Variants in ACTN3 observed in about 807,000 individuals in gnomAD.
The protein encoded by ACTN3 is actinin alpha 3.
In ACTN3, 91 loss-of-function variants were observed where a neutral mutation model predicts 119.6. The observed-to-expected ratio is 0.76, with a 90% CI of 0.64 to 0.91. The LOEUF is 0.91. ACTN3 is among the 40% of genes least tolerant of loss of function. ACTN3 has a pLI of 0.00. For synonymous variants in ACTN3, 456 were observed against 478.8 expected, an observed-to-expected ratio of 0.95 and a Z score of 0.62; for missense variants, 1,221 against 1,215.1, an observed-to-expected ratio of 1.00 and a Z score of -0.07.
rs1158119969 is a variant in ACTN3, at chr11:66,559,199, G to T, written c.1277-37G>T. 10 of 1,451,928 alleles carry T rather than the reference G, an allele frequency of 6.9e-6. No homozygotes were observed. The South Asian group carries it at 1.3e-4, about 19-fold the overall frequency. 89.9% of individuals were successfully genotyped at this position (1,451,928 alleles called of 1,614,324 possible). ...CCCGCCGCGCACCCCTGCCCCTGCC[G>T]CCACTGGGTGACCGGAGCCGGCATC... On this transcript the variant is annotated intron_variant, in intron 11 of 20. Transcript: ENST00000513398.
chr11:66,554,115 G>C lies in ACTN3; in HGVS notation c.453G>C (p.Gln151His). ...IWTIILRFAI[Q>H]DISVEETSAK... is the part of the protein sequence containing the mutation. ...CCATCATCCTTCGCTTCGCCATCCA[G>C]GACATCTCTGTGGAAGGTGAGCAAT... is the stretch of plus-strand genomic sequence containing the variant. Residue 151 changes from glutamine (Q) to histidine (H), a missense_variant, in exon 4 of 21, where the codon CAG becomes CAC. Transcript: ENST00000513398. 6.2e-7 allele frequency: 1 copy of C among 1,613,874 alleles called. No individual in the cohort carries two copies. The highest frequency in any genetic ancestry group is 8.5e-7 in the Non-Finnish European group (1 of 1,179,946).
intron 3 of ACTN3, among the ~76,000 whole-genome samples, chr11:66,553,594 G>C (rs1031642700): frequency 2.6e-5 from 4 of 151,238 alleles, no homozygotes; most frequent in African/African-American, 9.7e-5. Flanking sequence ...AAAGAGGCCA[G>C]ACACGGTGGC....
chr11:66,557,320 T>A, intron 9 of ACTN3, 95 bp downstream of exon 9: 2 of 1,233,732 alleles, frequency 1.6e-6, no homozygotes, highest in Non-Finnish European at 2.3e-6. Context: ...AGCCTCCCTC[T>A]GCTCAGAGTA....
At chr11:66,556,045 C>A in intron 7 of ACTN3, 100 bp from the exon 8 acceptor site, 2 of 1,083,890 alleles carry the variant, frequency 1.8e-6, no homozygotes, top group Admixed American at 2.2e-5. Context: ...CTGCTGGTGG[C>A]CATGACTGGA....
In ACTN3 at chr11:66,554,142, G is replaced by C. The variant is rs777483967; in HGVS notation, c.469+11G>C. ...ACATCTCTGTGGAAGGTGAGCAATGGGAAAGGAGGTTGGGGCCAGGTGCAG... is the reference window on the plus strand; with the variant it reads ...ACATCTCTGTGGAAGGTGAGCAATGCGAAAGGAGGTTGGGGCCAGGTGCAG... On this transcript the variant is annotated intron_variant, in intron 4 of 20. Coordinates refer to ENST00000513398, the MANE Select transcript of ACTN3 (RefSeq NM_001104.4). 5 of 1,613,470 alleles carry C rather than the reference G, an allele frequency of 3.1e-6. No homozygotes were observed. The East Asian group carries it at 1.1e-4, about 36-fold the overall frequency.
Position 66,559,251 on chromosome 11 carries a change from T to G in ACTN3, c.1292T>G (p.Leu431Arg), listed in dbSNP as rs776671067. ...CTTTGAGCAGGAAAGGAGGAGATGC[T>G]GAGCCAGCGCGACTACGATTCGGCT... ...EAWTRGKEEMLSQRDYDSALL... is the reference protein window; with the variant it reads ...EAWTRGKEEMRSQRDYDSALL... The change falls in exon 12 of 21, where the codon CTG (leucine) becomes CGG (arginine). Residue 431 changes from leucine (L) to arginine (R), a missense_variant. Leu to Arg is a moderately radical substitution (Grantham distance 102). Transcript: ENST00000513398. 1.3e-6 allele frequency: 2 copies of G among 1,555,068 alleles called. No homozygotes were observed. Among genetic ancestry groups the G allele is most frequent in the Non-Finnish European group, 1.7e-6 (2 of 1,151,940 alleles).
In ACTN3 at chr11:66,559,242, A is replaced by C. The variant is rs772355552; in HGVS notation, c.1283A>C (p.Glu428Ala). ...SLHEAWTRGKEEMLSQRDYDS... is the reference protein window; with the variant it reads ...SLHEAWTRGKAEMLSQRDYDS... Reference sequence around the variant, plus strand: ...CCGGCATCTCTTTGAGCAGGAAAGGAGGAGATGCTGAGCCAGCGCGACTAC... The same window carrying C: ...CCGGCATCTCTTTGAGCAGGAAAGGCGGAGATGCTGAGCCAGCGCGACTAC... Residue 428 changes from glutamate to alanine, a missense_variant, in exon 12 of 21, where the codon GAG becomes GCG. By Grantham distance (107) the Glu-to-Ala change is moderately radical (BLOSUM62 -1). Coordinates refer to ENST00000513398, the MANE Select transcript of ACTN3 (RefSeq NM_001104.4). 190 of 1,544,900 alleles carry C rather than the reference A, an allele frequency of 1.2e-4. No homozygotes were observed. The highest frequency in any genetic ancestry group is 1.6e-4 in the Non-Finnish European group (184 of 1,145,818).
chr11:66,554,692 T>C, intron 5 of ACTN3, 69 bp downstream of exon 5: 1 of 1,341,382 alleles, frequency 7.5e-7, no homozygotes, highest in South Asian at 1.3e-5. Flanking sequence ...GAGCCCTCCC[T>C]GGTCAGTGAA....
intron 1 of ACTN3, among the ~76,000 whole-genome samples, chr11:66,550,081 G>T (rs78940060): frequency 6.6e-6 from 1 of 152,322 alleles, no homozygotes; most frequent in African/African-American, 2.4e-5. Context: ...CCTCCCAGGA[G>T]TATCTGCTTT....
chr11:66,559,979 ACCACGAGGCAGC>A lies in ACTN3; in HGVS notation c.1441_1452del (p.His481_Ala484del), dbSNP rs1235088600. 1 of 1,596,846 alleles carries A rather than the reference ACCACGAGGCAGC, an allele frequency of 6.3e-7. No homozygotes were observed. Among genetic ancestry groups the A allele is most frequent in the Non-Finnish European group, 8.5e-7 (1 of 1,173,632 alleles). ...CTTCTCGCTCCCAGTGAGCTGGACTACCACGAGGCAGCCTCAGTGAATAGCCGCTGCCAGGCC... is the reference window on the plus strand; with the variant it reads ...CTTCTCGCTCCCAGTGAGCTGGACTACTCAGTGAATAGCCGCTGCCAGGCC... On this transcript the variant is annotated inframe_deletion, in exon 13 of 21. Transcript: ENST00000513398.
At position 66,551,522 on chromosome 11, in the gene ACTN3, A is replaced by T; in HGVS notation, c.263-6A>T. 1 of 1,613,354 alleles carries T rather than the reference A, an allele frequency of 6.2e-7. No homozygotes were observed. The highest frequency in any genetic ancestry group is 8.5e-7 in the Non-Finnish European group (1 of 1,179,648). ...TTTGGCCCTTGGCCTCTCCTCTTAAACCCAGGTGAGAGGCTGCCTAGGCCA... is the reference window on the plus strand; with the variant it reads ...TTTGGCCCTTGGCCTCTCCTCTTAATCCCAGGTGAGAGGCTGCCTAGGCCA... On this transcript the variant is annotated splice_region_variant and splice_polypyrimidine_tract_variant and intron_variant, in intron 2 of 20. Transcript: ENST00000513398.
intron 1 of ACTN3, 182 bp downstream of exon 1, chr11:66,547,266 T>TCTC: frequency 2.5e-6 from 1 of 400,300 alleles, no homozygotes; most frequent in Non-Finnish European, 3.4e-6. Flanking sequence ...CTGGGAGCCC[T>TCTC]CAAGAGGGGT....
intron 12 of ACTN3, 61 bp from the exon 13 acceptor site, chr11:66,559,907 A>G: frequency 1.4e-6 from 2 of 1,479,572 alleles, no homozygotes; most frequent in Non-Finnish European, 1.8e-6. Flanking sequence ...CAGCCCTGGG[A>G]GTGCAGTTAG....
chr11:66,555,109 C>T (rs1590806546), intron 5 of ACTN3, 21 bp from the exon 6 acceptor site: 2 of 1,612,816 alleles, frequency 1.2e-6, no homozygotes, highest in Middle Eastern at 1.7e-4. Context: ...CAGGCCTGAC[C>T]CCCCTCTTCT....
In ACTN3 at chr11:66,554,150, G is replaced by A. The variant is rs757812656; in HGVS notation, c.469+19G>A. The A allele has an allele frequency of 6.2e-7, 1 of 1,611,842 alleles. No homozygotes were observed. Among genetic ancestry groups the A allele is most frequent in the Non-Finnish European group, 8.5e-7 (1 of 1,178,106 alleles). On this transcript the variant is annotated intron_variant, in intron 4 of 20. Coordinates refer to ENST00000513398, the MANE Select transcript of ACTN3 (RefSeq NM_001104.4). ...GTGGAAGGTGAGCAATGGGAAAGGA[G>A]GTTGGGGCCAGGTGCAGTGGCTGGG...
Position 66,563,203 on chromosome 11 carries a change from C to A in ACTN3, c.*10C>A. 6.3e-7 allele frequency: 1 copy of A among 1,589,384 alleles called. No homozygotes were observed. Among genetic ancestry groups the A allele is most frequent in the Non-Finnish European group, 8.6e-7 (1 of 1,164,966 alleles). ...GGAGAGCGACCTTTGACCCCAACCA[C>A]TGAGGTTCTCTATGCAAGATGGAGA... is the stretch of plus-strand genomic sequence containing the variant. On this transcript the variant is annotated 3_prime_UTR_variant, in exon 21 of 21. Coordinates refer to ENST00000513398, the MANE Select transcript of ACTN3 (RefSeq NM_001104.4).
At position 66,557,039 on chromosome 11, in the gene ACTN3, G is replaced by A; in HGVS notation, c.805-94G>A. 6 of 1,105,032 alleles carry A rather than the reference G, an allele frequency of 5.4e-6. No individual in the cohort carries two copies. In the South Asian group the frequency reaches 5.9e-5, roughly 11 times the overall value. The allele number at this position is 1,105,032 out of a possible 1,614,324, so 68.5% of individuals were successfully genotyped here. On this transcript the variant is annotated intron_variant, in intron 8 of 20. Transcript: ENST00000513398. ...GCCTCCCAAACTGCTGGGATTACAG[G>A]CGTGAGCCACCGCGCTCGGCGGGGC...
chr11:66,558,246 G>A (rs1044191519), intron 11 of ACTN3, 72 bp downstream of exon 11: 5 of 1,581,714 alleles, frequency 3.2e-6, no homozygotes, highest in Non-Finnish European at 4.3e-6. Context: ...CAGGAGGGGA[G>A]GTTCTTGGCA....
chr11:66,563,227 G>C lies in ACTN3; in HGVS notation c.*34G>C. On this transcript the variant is annotated 3_prime_UTR_variant, in exon 21 of 21. Coordinates refer to ENST00000513398, the MANE Select transcript of ACTN3 (RefSeq NM_001104.4). ...ACTGAGGTTCTCTATGCAAGATGGA[G>C]AGAGGATGCACCCTGTGGCTGATCC... The C allele has an allele frequency of 2.5e-6, 4 of 1,569,982 alleles. No individual in the cohort carries two copies. The highest frequency in any genetic ancestry group is 2.6e-6 in the Non-Finnish European group (3 of 1,154,636).
Sources: allele counts gnomAD v4.1 joint callset (sites outside exome capture counted in the v4.1 genomes callset), GRCh38; gene constraint gnomAD v4.1.1; transcripts MANE v1.5; gene names NCBI Gene and HGNC (gene_info 2026-07-23, HGNC 2026-07-21).